Variants in NRF1 observed in about 807,000 individuals in gnomAD.
NRF1 encodes the protein nuclear respiratory factor 1, also known as alpha palindromic-binding protein.
Under a neutral mutation model 58.5 loss-of-function variants are expected in NRF1, and 5 were observed. The ratio of observed to expected loss-of-function variants is 0.09; its 90% CI spans 0.04 to 0.18. The LOEUF is 0.18. NRF1 is among the 10% of genes least tolerant of loss of function. The probability of loss-of-function intolerance (pLI) is 1.00; values close to 1 mark genes in which losing one functional copy is unlikely to be tolerated. For missense variants in NRF1, 288 were observed against 657.7 expected (o/e 0.44, Z 6.15); for synonymous variants, 224 against 246.7 (o/e 0.91, Z 0.86).
intron 4 of NRF1, among the ~76,000 whole-genome samples, chr7:129,686,651 G>A (rs1397342217): frequency 6.6e-6 from 1 of 152,230 alleles, no homozygotes; most frequent in Non-Finnish European, 1.5e-5. Flanking sequence ...CAAAGTAAGT[G>A]CTCAATAAAC....
At chr7:129,685,575 G>C (rs1056611779) in intron 4 of NRF1, among the ~76,000 whole-genome samples, 5 of 77,032 alleles carry the variant, frequency 6.5e-5, no homozygotes, top group African/African-American at 1.5e-4. Flanking sequence ...GTGTGTGTGT[G>C]TGTGTGTGTG....
At chr7:129,686,649 G>C (rs1439099012) in intron 4 of NRF1, among the ~76,000 whole-genome samples, 1 of 152,254 alleles carries the variant, frequency 6.6e-6, no homozygotes, top group Non-Finnish European at 1.5e-5. Flanking sequence ...CACAAAGTAA[G>C]TGCTCAATAA....
chr7:129,620,683 G>A (rs1455586421), intron 1 of NRF1, among the ~76,000 whole-genome samples: 1 of 152,190 alleles, frequency 6.6e-6, no homozygotes, highest in Non-Finnish European at 1.5e-5. Flanking sequence ...ACCGCACTGG[G>A]CCCAAATTAC....
At chr7:129,675,087 T>C (rs1802146078) in intron 3 of NRF1, among the ~76,000 whole-genome samples, 1 of 152,198 alleles carries the variant, frequency 6.6e-6, no homozygotes, top group Non-Finnish European at 1.5e-5. Flanking sequence ...ATTTCAACAA[T>C]ATACATAACA....
In NRF1 at chr7:129,744,170, C is replaced by G. The variant is rs780783788; in HGVS notation, c.1349-10848C>G. On this transcript the variant is annotated intron_variant, in intron 10 of 10. Coordinates refer to ENST00000393232, the MANE Select transcript of NRF1 (RefSeq NM_005011.5). ...TTTTTTAACAGTTCTGTGTTATTGT[C>G]AGGCCTCTTTATGGCAGATCGTGCA... 224 of 1,403,890 alleles carry G rather than the reference C, an allele frequency of 1.6e-4. 4 individuals are homozygous for G. In the South Asian group the frequency reaches 2.8e-3, roughly 17 times the overall value. The allele number at this position is 1,403,890 out of a possible 1,614,324, so 87.0% of individuals were successfully genotyped here. A position where few individuals can be genotyped will look rare whatever the true frequency, so the allele number is the denominator to read the frequency against.
At chr7:129,680,312 A>G (rs1160146997) in intron 4 of NRF1, among the ~76,000 whole-genome samples, 1 of 152,180 alleles carries the variant, frequency 6.6e-6, no homozygotes, top group Non-Finnish European at 1.5e-5. Context: ...TCATACCCAC[A>G]GGGATGGTGA....
chr7:129,714,663 C>T (rs1281603840), intron 8 of NRF1, among the ~76,000 whole-genome samples: 2 of 152,116 alleles, frequency 1.3e-5, no homozygotes, highest in Non-Finnish European at 2.9e-5. Context: ...GAGTGATGGG[C>T]CCTGAAGGCT....
intron 1 of NRF1, among the ~76,000 whole-genome samples, chr7:129,613,893 C>A (rs1453140786): frequency 6.6e-6 from 1 of 152,012 alleles, no homozygotes; most frequent in Admixed American, 6.5e-5. Context: ...TGCACTCCAG[C>A]CCGGGGGACA....
chr7:129,659,246 T>C (rs1490799142), intron 2 of NRF1, among the ~76,000 whole-genome samples: 2 of 151,950 alleles, frequency 1.3e-5, no homozygotes, highest in African/African-American at 4.8e-5. Context: ...GCCCAGCTAA[T>C]TTTTGTGTTT....
chr7:129,641,113 C>T (rs1801278740), intron 1 of NRF1, among the ~76,000 whole-genome samples: 1 of 152,126 alleles, frequency 6.6e-6, no homozygotes, highest in Non-Finnish European at 1.5e-5. Flanking sequence ...TTCACTATTT[C>T]TGTTTTTAGC....
chr7:129,745,202 G>A (rs80143223), intron 10 of NRF1, among the ~76,000 whole-genome samples: 6,476 of 152,106 alleles, frequency 0.043, 165 homozygotes, highest in Middle Eastern at 0.12. Flanking sequence ...ATATTGCCAT[G>A]ATCTATCCTC....
intron 10 of NRF1, among the ~76,000 whole-genome samples, chr7:129,744,506 C>T (rs1188892455): frequency 6.6e-6 from 1 of 152,108 alleles, no homozygotes; most frequent in Admixed American, 6.5e-5. Flanking sequence ...TATTCCCAGA[C>T]TACAGGTTCG....
intron 6 of NRF1, among the ~76,000 whole-genome samples, 185 bp from the exon 7 acceptor site, chr7:129,710,189 T>G (rs1017279447): frequency 1.3e-5 from 2 of 152,220 alleles, no homozygotes; most frequent in African/African-American, 4.8e-5. Flanking sequence ...TGAGAAGCCC[T>G]CTTTGATACT....
intron 10 of NRF1, among the ~76,000 whole-genome samples, chr7:129,738,911 T>C (rs1322867437): frequency 6.6e-6 from 1 of 152,198 alleles, no homozygotes; most frequent in East Asian, 1.9e-4. Flanking sequence ...CTTGCCAGCT[T>C]AGCCTACCTA....
At chr7:129,668,446 G>T (rs189307198) in intron 2 of NRF1, among the ~76,000 whole-genome samples, 17 of 152,216 alleles carry the variant, frequency 1.1e-4, no homozygotes, top group African/African-American at 3.9e-4. Context: ...TTGGCCATTT[G>T]CACTTCTATT....
chr7:129,684,499 A>G (rs557805896), intron 4 of NRF1, among the ~76,000 whole-genome samples: 29 of 152,350 alleles, frequency 1.9e-4, no homozygotes, highest in Admixed American at 5.2e-4. Context: ...AACATATACA[A>G]AATTGGAAAA....
chr7:129,619,068 T>C (rs1800713364), intron 1 of NRF1, among the ~76,000 whole-genome samples: 1 of 151,768 alleles, frequency 6.6e-6, no homozygotes, highest in Admixed American at 6.6e-5. Flanking sequence ...CTTAACCATA[T>C]CAGGAGTGAA....
chr7:129,673,458 G>T (rs576947818), intron 3 of NRF1, among the ~76,000 whole-genome samples: 1 of 152,086 alleles, frequency 6.6e-6, no homozygotes, highest in Non-Finnish European at 1.5e-5. Context: ...GGTCGGGCGC[G>T]GTGGCTCACG....
At chr7:129,622,553 TTTTC>T (rs982105610) in intron 1 of NRF1, among the ~76,000 whole-genome samples, 2 of 149,418 alleles carry the variant, frequency 1.3e-5, no homozygotes, top group African/African-American at 4.9e-5. Flanking sequence ...GTTTAGATAT[TTTTC>T]TTTCTTTTCT....
Sources: allele counts gnomAD v4.1 joint callset (sites outside exome capture counted in the v4.1 genomes callset), GRCh38; gene constraint gnomAD v4.1.1; transcripts MANE v1.5; gene names NCBI Gene and HGNC (gene_info 2026-07-23, HGNC 2026-07-21).